Variants in DOCK2 observed in about 807,000 individuals in gnomAD.
The protein encoded by DOCK2 is dedicator of cytokinesis protein 2.
DOCK2 carries 87 observed loss-of-function variants against 248.9 expected under a neutral mutation model. The ratio of observed to expected loss-of-function variants is 0.35; its 90% CI spans 0.29 to 0.42. The LOEUF (loss-of-function observed/expected upper bound fraction) is 0.42. Ranked by LOEUF, DOCK2 falls within the 10% of genes least tolerant of loss-of-function variation. DOCK2 has a pLI of 1.00. For missense variants in DOCK2, 1,747 were observed against 2,300.2 expected (o/e 0.76, Z 4.92); for synonymous variants, 805 against 821.6 (o/e 0.98, Z 0.35).
intron 27 of DOCK2, chr5:169,883,215 T>G (rs2113509229): frequency 4.5e-6 from 7 of 1,551,622 alleles, no homozygotes; most frequent in Non-Finnish European, 6.1e-6. Context: ...AGTTACTTAC[T>G]TCAGCTGACC....
At chr5:169,909,885 G>A (rs1191734414) in intron 27 of DOCK2, among the ~76,000 whole-genome samples, 1 of 152,156 alleles carries the variant, frequency 6.6e-6, no homozygotes, top group East Asian at 1.9e-4. Context: ...TCACTGAGTT[G>A]TTTACTTGGG....
At chr5:169,661,298 A>C (rs1758433408) in intron 2 of DOCK2, among the ~76,000 whole-genome samples, 1 of 152,228 alleles carries the variant, frequency 6.6e-6, no homozygotes, top group Non-Finnish European at 1.5e-5. Context: ...TGCAGAGCTC[A>C]TACTCTTTAA....
intron 26 of DOCK2, among the ~76,000 whole-genome samples, chr5:169,805,868 G>A (rs1456047849): frequency 6.6e-6 from 1 of 152,220 alleles, no homozygotes; most frequent in East Asian, 1.9e-4. Context: ...TACCGCCTCT[G>A]AGTGCAGTGC....
At chr5:169,783,201 G>C (rs1238906855) in intron 25 of DOCK2, among the ~76,000 whole-genome samples, 1 of 152,120 alleles carries the variant, frequency 6.6e-6, no homozygotes, top group Non-Finnish European at 1.5e-5. Flanking sequence ...AAACACCAAA[G>C]AACTTCAGAA....
At chr5:169,972,062 A>T (rs761758588) in intron 27 of DOCK2, among the ~76,000 whole-genome samples, 1 of 152,250 alleles carries the variant, frequency 6.6e-6, no homozygotes, top group South Asian at 2.1e-4. Context: ...AACTTCCCAG[A>T]CAGTCACTAC....
chr5:169,862,703 G>C (rs1010719891), intron 27 of DOCK2, among the ~76,000 whole-genome samples: 1 of 152,228 alleles, frequency 6.6e-6, no homozygotes, highest in Non-Finnish European at 1.5e-5. Context: ...AGTGCAAGCT[G>C]ATATTCCTTG....
intron 11 of DOCK2, among the ~76,000 whole-genome samples, chr5:169,699,093 G>C (rs1284100063): frequency 6.6e-6 from 1 of 152,206 alleles, no homozygotes; most frequent in African/African-American, 2.4e-5. Context: ...AGCAACTCTT[G>C]CTAAGCAGAT....
At chr5:169,913,270 T>G (rs535226795) in intron 27 of DOCK2, among the ~76,000 whole-genome samples, 3 of 152,360 alleles carry the variant, frequency 2.0e-5, no homozygotes, top group Middle Eastern at 3.4e-3. Context: ...AGAGTAGAGA[T>G]AATCTTTCTC....
intron 1 of DOCK2, among the ~76,000 whole-genome samples, chr5:169,649,928 C>G (rs565772537): frequency 6.6e-6 from 1 of 151,972 alleles, no homozygotes; most frequent in Admixed American, 6.6e-5. Context: ...CTCAGTCCCC[C>G]GAGTAGCTGG....
rs536298408 is a variant in DOCK2, at chr5:170,056,110, C to G, written c.4296-574C>G. Among the ~76,000 whole-genome samples, 24 of 152,290 alleles carry G rather than the reference C, an allele frequency of 1.6e-4. No individual in the cohort carries two copies. The South Asian group carries it at 5.0e-3, about 32-fold the overall frequency. ...GAAGGACCCTTCAGGGAGAGGCAGC[C>G]CCTCCCAGCAGCCTCACGAAGTGCC... On this transcript the variant is annotated intron_variant, in intron 42 of 51. Coordinates refer to ENST00000520908, the MANE Select transcript of DOCK2 (RefSeq NM_004946.3).
chr5:169,823,335 C>A (rs1466070202), intron 26 of DOCK2, among the ~76,000 whole-genome samples: 1 of 152,110 alleles, frequency 6.6e-6, no homozygotes, highest in Non-Finnish European at 1.5e-5. Flanking sequence ...AATTTTAAAC[C>A]AATATCCCTG....
chr5:169,791,105 C>T (rs568257096), intron 25 of DOCK2, among the ~76,000 whole-genome samples: 10 of 152,290 alleles, frequency 6.6e-5, no homozygotes, highest in South Asian at 4.1e-4. Flanking sequence ...GCCCTAAATA[C>T]GGGCCCCTTA....
intron 1 of DOCK2, among the ~76,000 whole-genome samples, chr5:169,646,368 C>T (rs185490867): frequency 6.6e-5 from 10 of 152,298 alleles, no homozygotes; most frequent in Admixed American, 2.6e-4. Context: ...ATGTTTAGCC[C>T]TCACAGACAC....
chr5:170,032,291 G>T lies in DOCK2; in HGVS notation c.3468-2108G>T, dbSNP rs186579002. On this transcript the variant is annotated intron_variant, in intron 34 of 51. Transcript: ENST00000520908. ...TCTGCCCACCTCGGCCTCCCAAAGTGCTGGGATTACAGGTGTGAGCCACCG... is the reference window on the plus strand; with the variant it reads ...TCTGCCCACCTCGGCCTCCCAAAGTTCTGGGATTACAGGTGTGAGCCACCG... Among the ~76,000 whole-genome samples the T allele has an allele frequency of 5.5e-3, 839 of 152,250 alleles. 8 individuals are homozygous for T. The highest frequency in any genetic ancestry group is 0.019 in the African/African-American group (807 of 41,544).
At chr5:169,848,921 C>T (rs1235467265) in intron 27 of DOCK2, among the ~76,000 whole-genome samples, 1 of 152,164 alleles carries the variant, frequency 6.6e-6, no homozygotes, top group African/African-American at 2.4e-5. Flanking sequence ...AAAGCTCTGA[C>T]TTCACTTTTC....
chr5:169,815,922 T>C (rs1472356945), intron 26 of DOCK2, among the ~76,000 whole-genome samples: 1 of 152,220 alleles, frequency 6.6e-6, no homozygotes, highest in East Asian at 1.9e-4. Context: ...TTCTGTCTGC[T>C]GGGAACCCTT....
At chr5:169,691,714 T>A (rs1279025006) in intron 9 of DOCK2, among the ~76,000 whole-genome samples, 1 of 152,176 alleles carries the variant, frequency 6.6e-6, no homozygotes, top group East Asian at 1.9e-4. Context: ...TCTCTGGATG[T>A]TAGCTCTTCC....
intron 27 of DOCK2, among the ~76,000 whole-genome samples, chr5:169,967,713 G>A (rs554268307): frequency 6.6e-6 from 1 of 152,308 alleles, no homozygotes; most frequent in South Asian, 2.1e-4. Context: ...TGGGAAGCAG[G>A]GGGTGCGTTT....
At chr5:169,648,975 G>A (rs891175200) in intron 1 of DOCK2, among the ~76,000 whole-genome samples, 3 of 152,160 alleles carry the variant, frequency 2.0e-5, no homozygotes, top group African/African-American at 7.2e-5. Flanking sequence ...CTGGGTCATC[G>A]CAGTCACCCT....
Sources: gnomAD v4.1 joint callset for allele counts (sites outside exome capture counted in the v4.1 genomes callset) on GRCh38, gnomAD v4.1.1 for gene constraint, MANE v1.5 for transcripts, NCBI Gene and HGNC (gene_info 2026-07-23, HGNC 2026-07-21) for gene names.